Variants in SMYD3 observed in about 807,000 individuals in gnomAD.
SMYD3 encodes histone-lysine N-methyltransferase SMYD3.
In SMYD3, 36 loss-of-function variants were observed where a neutral mutation model predicts 57.7. That is an observed-to-expected ratio of 0.62 (90% CI 0.48 to 0.82). SMYD3 has a LOEUF of 0.82. Ranked by LOEUF, SMYD3 falls within the 40% of genes least tolerant of loss-of-function variation. The probability of loss-of-function intolerance (pLI) is 0.00; values close to 1 mark genes in which losing one functional copy is unlikely to be tolerated. For missense variants in SMYD3, 515 were observed against 538.8 expected, an observed-to-expected ratio of 0.96 and a Z score of 0.44; for synonymous variants, 211 against 195.0, an observed-to-expected ratio of 1.08 and a Z score of -0.68.
chr1:246,012,278 T>TTCC (rs1164663858), intron 5 of SMYD3, among the ~76,000 whole-genome samples: 2 of 152,216 alleles, frequency 1.3e-5, no homozygotes, highest in Admixed American at 6.5e-5. Context: ...ATAAATTATT[T>TTCC]TCCTCTTATT....
intron 1 of SMYD3, among the ~76,000 whole-genome samples, chr1:246,488,070 C>T (rs1017126105): frequency 1.3e-5 from 2 of 152,246 alleles, no homozygotes; most frequent in South Asian, 2.1e-4. Context: ...TCCACAAGTG[C>T]CTCATTCATT....
At chr1:246,217,784 T>C (rs1039515377) in intron 5 of SMYD3, among the ~76,000 whole-genome samples, 1 of 152,120 alleles carries the variant, frequency 6.6e-6, no homozygotes, top group South Asian at 2.1e-4. Context: ...AATGTAAAAA[T>C]TGGCAACAGT....
chr1:245,866,001 T>A (rs2051814914), intron 8 of SMYD3, among the ~76,000 whole-genome samples: 1 of 151,860 alleles, frequency 6.6e-6, no homozygotes, highest in African/African-American at 2.4e-5. Context: ...AAGGATGACA[T>A]AAGGGTGAGG....
At chr1:246,379,591 A>T (rs532787167) in intron 1 of SMYD3, among the ~76,000 whole-genome samples, 137 of 152,256 alleles carry the variant, frequency 9.0e-4, no homozygotes, top group Non-Finnish European at 1.4e-3. Context: ...TCGCAGAAGT[A>T]ACCATAGGTA....
At chr1:246,476,286 C>T (rs2068030016) in intron 1 of SMYD3, among the ~76,000 whole-genome samples, 3 of 152,138 alleles carry the variant, frequency 2.0e-5, no homozygotes. Context: ...ATTACTTGCC[C>T]AATGTCACAA....
chr1:246,302,166 C>G (rs892095133), intron 5 of SMYD3, among the ~76,000 whole-genome samples: 2 of 152,104 alleles, frequency 1.3e-5, no homozygotes, highest in Admixed American at 1.3e-4. Flanking sequence ...AGTTACTTTT[C>G]CTGTTGAATT....
chr1:245,860,155 C>T (rs1002945141), intron 9 of SMYD3, among the ~76,000 whole-genome samples: 3 of 140,408 alleles, frequency 2.1e-5, no homozygotes, highest in African/African-American at 7.8e-5. Context: ...CTCAGTGCCC[C>T]CTTCGTGCCC....
Position 245,937,479 on chromosome 1 carries a change from C to T in SMYD3, c.532-7542G>A, listed in dbSNP as rs557994638. On this transcript the variant is annotated intron_variant, in intron 5 of 11. Transcript: ENST00000490107. ...GAGGCTCTTACCTGGCATTTCACCT[C>T]CTTAAAGCCATCTGATGAAACAAGC... is the stretch of plus-strand genomic sequence containing the variant. Among the ~76,000 whole-genome samples, 69 of 152,326 alleles carry T rather than the reference C, an allele frequency of 4.5e-4. No homozygotes were observed. In the Middle Eastern group the frequency reaches 0.01, roughly 23 times the overall value.
chr1:246,173,868 G>A (rs1397509570), intron 5 of SMYD3, among the ~76,000 whole-genome samples: 1 of 151,970 alleles, frequency 6.6e-6, no homozygotes, highest in Admixed American at 6.6e-5. Flanking sequence ...GTGCAGTAGC[G>A]GGATCATAGC....
intron 5 of SMYD3, among the ~76,000 whole-genome samples, chr1:246,300,785 T>G (rs951498314): frequency 6.6e-6 from 1 of 152,126 alleles, no homozygotes; most frequent in Non-Finnish European, 1.5e-5. Context: ...CAAGCCACAG[T>G]GCCTGGAATA....
At chr1:245,882,453 A>G (rs1236911141) in intron 8 of SMYD3, among the ~76,000 whole-genome samples, 4 of 152,196 alleles carry the variant, frequency 2.6e-5, no homozygotes, top group Admixed American at 1.3e-4. Flanking sequence ...AATCACTACA[A>G]TGAGCCAAAA....
chr1:245,894,068 A>C (rs2053577084), intron 8 of SMYD3, among the ~76,000 whole-genome samples: 1 of 152,230 alleles, frequency 6.6e-6, no homozygotes, highest in African/African-American at 2.4e-5. Context: ...AGGTGAAGCC[A>C]GCTGGACTTC....
chr1:246,444,076 C>T (rs190804338), intron 1 of SMYD3, among the ~76,000 whole-genome samples: 1 of 152,092 alleles, frequency 6.6e-6, no homozygotes, highest in Admixed American at 6.5e-5. Context: ...ATGATTTTGA[C>T]CAAAGCAGTC....
chr1:246,418,449 G>A (rs1435077408), intron 1 of SMYD3, among the ~76,000 whole-genome samples: 1 of 152,146 alleles, frequency 6.6e-6, no homozygotes, highest in African/African-American at 2.4e-5. Flanking sequence ...AGCTCCTGAA[G>A]CCCCAGTGGG....
chr1:246,296,877 G>C (rs190000587), intron 5 of SMYD3, among the ~76,000 whole-genome samples: 1 of 152,246 alleles, frequency 6.6e-6, no homozygotes, highest in East Asian at 1.9e-4. Flanking sequence ...TTTTTGTTGA[G>C]ATAGCGTTCT....
At chr1:246,021,692 C>T in intron 5 of SMYD3, among the ~76,000 whole-genome samples, 1 of 152,190 alleles carries the variant, frequency 6.6e-6, no homozygotes, top group East Asian at 1.9e-4. Context: ...TGATGAAAAG[C>T]TATCTCAATT....
At chr1:245,847,214 T>G (rs1336416542) in intron 10 of SMYD3, among the ~76,000 whole-genome samples, 1 of 152,246 alleles carries the variant, frequency 6.6e-6, no homozygotes, top group Non-Finnish European at 1.5e-5. Context: ...ACTGTAATTT[T>G]GGGGGTCATT....
chr1:245,973,793 T>C (rs905658451), intron 5 of SMYD3, among the ~76,000 whole-genome samples: 4 of 152,194 alleles, frequency 2.6e-5, no homozygotes, highest in Admixed American at 6.5e-5. Flanking sequence ...AATCTACCTA[T>C]ATGAGTACTT....
chr1:246,259,017 T>C (rs185382416), intron 5 of SMYD3, among the ~76,000 whole-genome samples: 71 of 152,344 alleles, frequency 4.7e-4, no homozygotes, highest in African/African-American at 1.7e-3. Context: ...TAATAAAACT[T>C]TGAATTGTAT....
Sources: gnomAD v4.1 joint callset for allele counts (sites outside exome capture counted in the v4.1 genomes callset) on GRCh38, gnomAD v4.1.1 for gene constraint, MANE v1.5 for transcripts, NCBI Gene and HGNC (gene_info 2026-07-23, HGNC 2026-07-21) for gene names.